The following PIP4K2A variants were observed in gnomAD, a reference collection of about 807,000 sequenced individuals.
The protein encoded by PIP4K2A is phosphatidylinositol 5-phosphate 4-kinase type-2 alpha.
In PIP4K2A, 14 loss-of-function variants were observed where a neutral mutation model predicts 42.9. The observed-to-expected ratio is 0.33, with a 90% CI of 0.22 to 0.51. The LOEUF is 0.51. Among genes scored for constraint, PIP4K2A ranks in the 20% least tolerant of loss-of-function variants. The pLI is 0.97. For missense variants in PIP4K2A, 434 were observed against 519.8 expected, an observed-to-expected ratio of 0.83 and a Z score of 1.61; for synonymous variants, 192 against 192.2, an observed-to-expected ratio of 1.00 and a Z score of 0.01.
At chr10:22,568,917 G>T in intron 5 of PIP4K2A, 1 of 919,876 alleles carries the variant, frequency 1.1e-6, no homozygotes, top group Non-Finnish European at 1.7e-6. Context: ...CCTAACTATC[G>T]TGAGGTCAGC....
chr10:22,548,292 C>T (rs775706748), intron 7 of PIP4K2A, among the ~76,000 whole-genome samples: 7 of 152,124 alleles, frequency 4.6e-5, no homozygotes, highest in Non-Finnish European at 7.4e-5. Context: ...GTGCTTGAGC[C>T]ATGTATGGGA....
chr10:22,590,013 G>A (rs1235394510), intron 4 of PIP4K2A, among the ~76,000 whole-genome samples: 2 of 152,152 alleles, frequency 1.3e-5, no homozygotes, highest in African/African-American at 4.8e-5. Context: ...CATGAGCTTA[G>A]AGCCCTCATT....
chr10:22,651,204 T>C (rs947575951), intron 1 of PIP4K2A, among the ~76,000 whole-genome samples: 3 of 152,292 alleles, frequency 2.0e-5, no homozygotes, highest in African/African-American at 7.2e-5. Flanking sequence ...ACTAAGTCTG[T>C]CCACCAAGCA....
At chr10:22,579,468 G>A (rs1415931104) in intron 4 of PIP4K2A, among the ~76,000 whole-genome samples, 1 of 152,172 alleles carries the variant, frequency 6.6e-6, no homozygotes, top group Non-Finnish European at 1.5e-5. Context: ...ACAGAGTCAC[G>A]TGCACAACAA....
Position 22,607,979 on chromosome 10 carries a change from A to G in PIP4K2A, c.287T>C (p.Met96Thr), listed in dbSNP as rs2130703367. ...CCTCTCCCGCAGGTTACGGAAGACC[A>G]TCGGGCAGTATTCCTTAAACTTGAA... ...SHFKFKEYCP[M>T]VFRNLRERFG... The change falls in exon 3 of 10, where the codon ATG becomes ACG. Residue 96 changes from methionine to threonine, a missense_variant. Physicochemically the swap from Met to Thr is moderately conservative, Grantham distance 81 (BLOSUM62 -1). Around this residue, in one of 2 missense-constraint regions of PIP4K2A, gnomAD observed 395 missense variants for 444.5 expected, o/e 0.89. Coordinates refer to ENST00000376573, the MANE Select transcript of PIP4K2A (RefSeq NM_005028.5). 2.5e-6 allele frequency: 4 copies of G among 1,613,440 alleles called. No homozygotes were observed. Among genetic ancestry groups the G allele is most frequent in the Non-Finnish European group, 2.5e-6 (3 of 1,179,492 alleles).
intron 3 of PIP4K2A, among the ~76,000 whole-genome samples, chr10:22,599,103 C>G (rs1391440408): frequency 2.0e-5 from 3 of 149,882 alleles, no homozygotes; most frequent in Admixed American, 1.3e-4. Context: ...GGGAAAAAAA[C>G]GTCTCTTACT....
intron 3 of PIP4K2A, among the ~76,000 whole-genome samples, chr10:22,594,442 C>CTGGA (rs755913424): frequency 2.5e-4 from 38 of 152,220 alleles, no homozygotes; most frequent in Non-Finnish European, 5.4e-4. Context: ...GTTGCCCAGG[C>CTGGA]TGGAGTACAG....
At chr10:22,583,604 G>T (rs528790942) in intron 4 of PIP4K2A, among the ~76,000 whole-genome samples, 1 of 152,342 alleles carries the variant, frequency 6.6e-6, no homozygotes, top group African/African-American at 2.4e-5. Flanking sequence ...CTTGAAGGGT[G>T]CTGACAGGGT....
intron 1 of PIP4K2A, among the ~76,000 whole-genome samples, chr10:22,669,425 C>G (rs925004137): frequency 6.6e-6 from 1 of 152,018 alleles, no homozygotes; most frequent in Non-Finnish European, 1.5e-5. Flanking sequence ...CAGAACATAT[C>G]CCTATCATTA....
intron 4 of PIP4K2A, among the ~76,000 whole-genome samples, chr10:22,582,836 G>C (rs918741951): frequency 6.6e-6 from 1 of 150,802 alleles, no homozygotes; most frequent in Non-Finnish European, 1.5e-5. Flanking sequence ...GTATGTTTGG[G>C]GATAATGATC....
At chr10:22,644,964 G>A (rs1838850544) in intron 1 of PIP4K2A, among the ~76,000 whole-genome samples, 1 of 152,192 alleles carries the variant, frequency 6.6e-6, no homozygotes, top group Non-Finnish European at 1.5e-5. Context: ...ATAAGAGTCA[G>A]TAAATTCGCA....
intron 3 of PIP4K2A, among the ~76,000 whole-genome samples, chr10:22,593,364 A>G (rs1837556500): frequency 6.6e-6 from 1 of 152,244 alleles, no homozygotes; most frequent in South Asian, 2.1e-4. Context: ...AAAAATCTAC[A>G]TAATCCCCAA....
intron 6 of PIP4K2A, among the ~76,000 whole-genome samples, 188 bp from the exon 7 acceptor site, chr10:22,550,960 C>A (rs1268490185): frequency 6.6e-6 from 1 of 152,096 alleles, no homozygotes; most frequent in Non-Finnish European, 1.5e-5. Context: ...CGCCAGTGAG[C>A]CCCAATCTCT....
At chr10:22,709,316 A>G (rs913276036) in intron 1 of PIP4K2A, among the ~76,000 whole-genome samples, 3 of 152,180 alleles carry the variant, frequency 2.0e-5, no homozygotes, top group Admixed American at 2.0e-4. Context: ...AAGTCATATC[A>G]TTATCTCCAT....
At chr10:22,609,552 C>T in intron 2 of PIP4K2A, 68 bp downstream of exon 2, 3 of 881,264 alleles carry the variant, frequency 3.4e-6, no homozygotes, top group African/African-American at 1.7e-5. Context: ...TATGTGATTA[C>T]AAAAATTCAC....
At chr10:22,630,156 AGG>A (rs1011123964) in intron 1 of PIP4K2A, among the ~76,000 whole-genome samples, 1 of 132,272 alleles carries the variant, frequency 7.6e-6, no homozygotes, top group African/African-American at 3.3e-5. Flanking sequence ...TGTGAAACAC[AGG>A]GCGACTTCAT....
chr10:22,572,561 A>T (rs10764337), intron 5 of PIP4K2A, among the ~76,000 whole-genome samples: 8,241 of 152,016 alleles, frequency 0.054, 560 homozygotes, highest in African/African-American at 0.16. Context: ...GCCAAGATTG[A>T]GCCACTGCGC....
intron 3 of PIP4K2A, among the ~76,000 whole-genome samples, chr10:22,605,660 G>C (rs1282455184): frequency 6.6e-6 from 1 of 152,114 alleles, no homozygotes; most frequent in Non-Finnish European, 1.5e-5. Context: ...AACAAGATAA[G>C]ATAGATGCAT....
At chr10:22,565,473 C>T (rs1042295810) in intron 6 of PIP4K2A, among the ~76,000 whole-genome samples, 1 of 152,198 alleles carries the variant, frequency 6.6e-6, no homozygotes, top group Non-Finnish European at 1.5e-5. Flanking sequence ...CTTATCACTT[C>T]CCCAATCAAT....
Sources: allele counts gnomAD v4.1 joint callset (sites outside exome capture counted in the v4.1 genomes callset), GRCh38; gene constraint gnomAD v4.1.1; regional missense constraint gnomAD v4.1.1; transcripts MANE v1.5; gene names NCBI Gene and HGNC (gene_info 2026-07-23, HGNC 2026-07-21).